The following ATP10A variants were observed in gnomAD, a reference collection of about 807,000 sequenced individuals.
ATP10A encodes the protein phospholipid-transporting ATPase VA.
Under a neutral mutation model 147.8 loss-of-function variants are expected in ATP10A, and 111 were observed. That is an observed-to-expected ratio of 0.75 (90% CI 0.64 to 0.88). The LOEUF (loss-of-function observed/expected upper bound fraction) is 0.88, where lower values mean the gene tolerates loss of function less well. Among genes scored for constraint, ATP10A ranks in the 40% least tolerant of loss-of-function variants. The probability of loss-of-function intolerance (pLI) is 0.00; values close to 1 mark genes in which losing one functional copy is unlikely to be tolerated. For missense variants in ATP10A, 1,927 were observed against 1,959.0 expected, an observed-to-expected ratio of 0.98 and a Z score of 0.31; for synonymous variants, 875 against 841.6, an observed-to-expected ratio of 1.04 and a Z score of -0.69.
chr15:25,687,873 C>A, intron 15 of ATP10A, 45 bp from the exon 16 acceptor site: 5 of 1,612,854 alleles, frequency 3.1e-6, no homozygotes, highest in South Asian at 1.1e-5. Context: ...GCCGACCTGG[C>A]GTCAGATTTG....
chr15:25,672,694 G>A (rs1334427306), downstream of ATP10A, among the ~76,000 whole-genome samples: 9 of 152,180 alleles, frequency 5.9e-5, no homozygotes, highest in Non-Finnish European at 1.0e-4. Context: ...CTTAATGGGG[G>A]TGAGGTGCTA....
At chr15:25,785,253 A>T (rs766755766) in intron 1 of ATP10A, among the ~76,000 whole-genome samples, 1 of 152,186 alleles carries the variant, frequency 6.6e-6, no homozygotes, top group Non-Finnish European at 1.5e-5. Context: ...GATTAAAGTT[A>T]GAATGAGGCC....
intron 12 of ATP10A, among the ~76,000 whole-genome samples, chr15:25,704,365 C>T (rs1900849751): frequency 6.6e-6 from 1 of 152,212 alleles, no homozygotes; most frequent in South Asian, 2.1e-4. Flanking sequence ...GTTGCCCACT[C>T]TTCTCTAAAT....
intron 2 of ATP10A, among the ~76,000 whole-genome samples, chr15:25,740,983 C>T (rs1362458604): frequency 3.3e-5 from 5 of 152,236 alleles, no homozygotes; most frequent in Non-Finnish European, 5.9e-5. Context: ...TGCCATCCTA[C>T]AGCATCAGGC....
chr15:25,673,201 C>T (rs1899075347), downstream of ATP10A, among the ~76,000 whole-genome samples: 2 of 152,264 alleles, frequency 1.3e-5, no homozygotes, highest in African/African-American at 2.4e-5. Flanking sequence ...ACAGGAGCAG[C>T]CCACTCCGGT....
intron 2 of ATP10A, among the ~76,000 whole-genome samples, chr15:25,776,810 A>G (rs1021641174): frequency 4.6e-5 from 7 of 151,932 alleles, no homozygotes; most frequent in Admixed American, 3.9e-4. Flanking sequence ...ATTAAATACA[A>G]CCCTATTCCG....
downstream of ATP10A, among the ~76,000 whole-genome samples, chr15:25,673,861 G>T (rs1459535666): frequency 6.6e-6 from 1 of 152,222 alleles, no homozygotes; most frequent in Non-Finnish European, 1.5e-5. Flanking sequence ...TGGCTGGGCT[G>T]CCTCAGTGCC....
chr15:25,672,954 C>T (rs879385802), downstream of ATP10A, among the ~76,000 whole-genome samples: 1 of 152,140 alleles, frequency 6.6e-6, no homozygotes, highest in Non-Finnish European at 1.5e-5. Flanking sequence ...GTGGTCACTG[C>T]TCCTGAGACA....
intron 1 of ATP10A, among the ~76,000 whole-genome samples, chr15:25,808,777 T>A (rs1891306614): frequency 6.6e-6 from 1 of 152,200 alleles, no homozygotes; most frequent in Non-Finnish European, 1.5e-5. Flanking sequence ...ATCTATATTA[T>A]CTTTGTGCCA....
At chr15:25,814,013 A>G (rs1056972362) in intron 1 of ATP10A, among the ~76,000 whole-genome samples, 2 of 152,182 alleles carry the variant, frequency 1.3e-5, no homozygotes, top group Non-Finnish European at 2.9e-5. Context: ...ACTGAAAACC[A>G]TACAGCCACA....
chr15:25,807,143 C>T (rs951145167), intron 1 of ATP10A, among the ~76,000 whole-genome samples: 8 of 152,232 alleles, frequency 5.3e-5, no homozygotes, highest in African/African-American at 1.9e-4. Context: ...AAACATCCTT[C>T]ACTCTTTTCT....
chr15:25,809,301 C>T (rs1355188157), intron 1 of ATP10A, among the ~76,000 whole-genome samples: 2 of 152,126 alleles, frequency 1.3e-5, no homozygotes, highest in Non-Finnish European at 2.9e-5. Context: ...CGGGGTGAGA[C>T]ATGACCCAGG....
chr15:25,785,618 G>A (rs1890122775), intron 1 of ATP10A, among the ~76,000 whole-genome samples: 1 of 152,168 alleles, frequency 6.6e-6, no homozygotes, highest in Non-Finnish European at 1.5e-5. Flanking sequence ...ATCTCACCCT[G>A]CAATTTATCC....
At chr15:25,780,942 C>G in intron 2 of ATP10A, 77 bp downstream of exon 2, 2 of 1,473,762 alleles carry the variant, frequency 1.4e-6, no homozygotes, top group Non-Finnish European at 1.9e-6. Flanking sequence ...TGCAGGTGCT[C>G]TGAGCCCCAG....
intron 1 of ATP10A, among the ~76,000 whole-genome samples, chr15:25,827,321 C>T (rs1892159975): frequency 6.6e-6 from 1 of 152,174 alleles, no homozygotes; most frequent in South Asian, 2.1e-4. Flanking sequence ...TTGAATAGAT[C>T]AGAAGAAATA....
intron 1 of ATP10A, among the ~76,000 whole-genome samples, chr15:25,789,565 A>AGTGTGTGTGTGTGT (rs59744412): frequency 0.069 from 9,819 of 141,346 alleles, 322 homozygotes; most frequent in Non-Finnish European, 0.082. Flanking sequence ...CCAATAAAGA[A>AGTGTGTGTGTGTGT]GTGTGTGTGT....
chr15:25,680,079 C>T (rs780023358), intron 20 of ATP10A, 42 bp downstream of exon 20: 39 of 1,601,270 alleles, frequency 2.4e-5, no homozygotes, highest in Non-Finnish European at 3.2e-5. Flanking sequence ...GTCGTCTGGG[C>T]TCACTCGGGG....
intron 1 of ATP10A, among the ~76,000 whole-genome samples, chr15:25,797,783 G>C (rs1336144629): frequency 6.6e-6 from 1 of 152,080 alleles, no homozygotes. Context: ...GCCCTGGGGG[G>C]TGAGGGTGGG....
chr15:25,825,594 T>G (rs1892080915), intron 1 of ATP10A, among the ~76,000 whole-genome samples: 1 of 152,326 alleles, frequency 6.6e-6, no homozygotes, highest in South Asian at 2.1e-4. Flanking sequence ...CATCATTATT[T>G]GACCACTAAG....
Sources: allele counts gnomAD v4.1 joint callset (sites outside exome capture counted in the v4.1 genomes callset), GRCh38; gene constraint gnomAD v4.1.1; transcripts MANE v1.5; gene names NCBI Gene and HGNC (gene_info 2026-07-23, HGNC 2026-07-21).